Variants in TMEM135 observed in about 807,000 individuals in gnomAD.
TMEM135 encodes the protein transmembrane protein 135, also known as peroxisomal membrane protein 52.
In TMEM135, 30 loss-of-function variants were observed where a neutral mutation model predicts 60.3. The observed-to-expected ratio is 0.50, with a 90% confidence interval of 0.37 to 0.68. The LOEUF is 0.68. TMEM135 is among the 30% of genes least tolerant of loss of function. The pLI is 0.00. For synonymous variants in TMEM135, 190 were observed against 186.7 expected, an observed-to-expected ratio of 1.02 and a Z score of -0.14; for missense variants, 468 against 548.8, an observed-to-expected ratio of 0.85 and a Z score of 1.47.
intron 4 of TMEM135, among the ~76,000 whole-genome samples, chr11:87,112,892 A>T (rs977584522): frequency 2.0e-5 from 3 of 152,036 alleles, no homozygotes; most frequent in African/African-American, 4.8e-5. Flanking sequence ...TAAGTTTAAC[A>T]CTGAATTGTA....
intron 1 of TMEM135, among the ~76,000 whole-genome samples, chr11:87,057,861 G>T (rs113347071): frequency 1.3e-5 from 2 of 151,726 alleles, no homozygotes; most frequent in African/African-American, 4.8e-5. Context: ...AATTTTGGAG[G>T]CTTAATAAAT....
At chr11:87,088,062 C>T (rs2135164255) in intron 3 of TMEM135, among the ~76,000 whole-genome samples, 1 of 152,108 alleles carries the variant, frequency 6.6e-6, no homozygotes, top group East Asian at 1.9e-4. Context: ...TAAAGCTGAG[C>T]CCAGCCATGG....
intron 5 of TMEM135, among the ~76,000 whole-genome samples, chr11:87,186,106 C>T (rs1939646592): frequency 6.6e-6 from 1 of 152,138 alleles, no homozygotes; most frequent in African/African-American, 2.4e-5. Context: ...GGGGTTTCAC[C>T]ATGTTGGCCA....
chr11:87,081,637 G>A (rs1355413557), intron 3 of TMEM135, among the ~76,000 whole-genome samples: 2 of 151,232 alleles, frequency 1.3e-5, no homozygotes, highest in African/African-American at 4.8e-5. Flanking sequence ...CGTGGATTTG[G>A]GTTGCTAGTT....
At chr11:87,104,669 T>C (rs1035231970) in intron 4 of TMEM135, among the ~76,000 whole-genome samples, 6 of 152,216 alleles carry the variant, frequency 3.9e-5, no homozygotes, top group African/African-American at 1.4e-4. Flanking sequence ...GATTTTATTT[T>C]TTGTTGTTGC....
At chr11:87,197,962 T>C (rs1442646188) in intron 5 of TMEM135, among the ~76,000 whole-genome samples, 1 of 152,254 alleles carries the variant, frequency 6.6e-6, no homozygotes, top group South Asian at 2.1e-4. Flanking sequence ...TTTTTTTAGG[T>C]ACATAATAGT....
chr11:87,093,008 C>T (rs1857244490), intron 4 of TMEM135, among the ~76,000 whole-genome samples: 1 of 152,040 alleles, frequency 6.6e-6, no homozygotes, highest in African/African-American at 2.4e-5. Context: ...TCTTATCCAT[C>T]CCCTCTTTGA....
At chr11:87,287,443 C>T (rs1942186975) in intron 6 of TMEM135, among the ~76,000 whole-genome samples, 2 of 152,176 alleles carry the variant, frequency 1.3e-5, no homozygotes, top group South Asian at 4.1e-4. Context: ...CTTTGGGAGG[C>T]TGAGGCGGGC....
chr11:87,107,562 G>A (rs773029876), intron 4 of TMEM135, among the ~76,000 whole-genome samples: 7 of 152,028 alleles, frequency 4.6e-5, no homozygotes, highest in Non-Finnish European at 1.0e-4. Flanking sequence ...ATGGTTTCCA[G>A]CTTCATCCAT....
At chr11:87,123,364 A>G (rs1937635479) in intron 4 of TMEM135, among the ~76,000 whole-genome samples, 1 of 152,074 alleles carries the variant, frequency 6.6e-6, no homozygotes, top group South Asian at 2.1e-4. Context: ...TAGCCGCATC[A>G]TTCTAATCTT....
intron 6 of TMEM135, among the ~76,000 whole-genome samples, chr11:87,265,744 A>G (rs987146863): frequency 2.0e-5 from 3 of 152,092 alleles, no homozygotes; most frequent in Admixed American, 6.5e-5. Context: ...AGATAAAAAC[A>G]GGAGCACATG....
intron 7 of TMEM135, among the ~76,000 whole-genome samples, chr11:87,298,786 C>CAAAAAAAAAAAAAAAA (rs59740138): frequency 5.2e-5 from 3 of 57,690 alleles, no homozygotes; most frequent in South Asian, 8.8e-4. Flanking sequence ...GACTCTGTCT[C>CAAAAAAAAAAAAAAAA]AAAAAAAAAA....
intron 4 of TMEM135, among the ~76,000 whole-genome samples, chr11:87,097,179 T>C (rs897144122): frequency 6.6e-6 from 1 of 152,104 alleles, no homozygotes; most frequent in African/African-American, 2.4e-5. Context: ...GTATTTCCAG[T>C]ACAGACGGGG....
chr11:87,200,602 C>T (rs1940072022), intron 5 of TMEM135, among the ~76,000 whole-genome samples: 1 of 152,160 alleles, frequency 6.6e-6, no homozygotes, highest in Admixed American at 6.5e-5. Flanking sequence ...AATCAAAGAC[C>T]TTACATTGAC....
At chr11:87,098,935 G>C (rs905960139) in intron 4 of TMEM135, among the ~76,000 whole-genome samples, 16 of 152,030 alleles carry the variant, frequency 1.1e-4, no homozygotes, top group African/African-American at 3.9e-4. Flanking sequence ...TGATCCGCCC[G>C]CCTCGGCCTC....
chr11:87,155,463 GA>G (rs1294058421), intron 4 of TMEM135, among the ~76,000 whole-genome samples: 1 of 152,156 alleles, frequency 6.6e-6, no homozygotes, highest in East Asian at 1.9e-4. Flanking sequence ...GTATATGGTA[GA>G]GGTAAAGGTC....
intron 5 of TMEM135, among the ~76,000 whole-genome samples, chr11:87,218,754 G>C (rs1940556110): frequency 6.6e-6 from 1 of 152,154 alleles, no homozygotes; most frequent in African/African-American, 2.4e-5. Context: ...TTGGGGTCAG[G>C]AGTTCGAGAT....
intron 11 of TMEM135, 114 bp downstream of exon 11, chr11:87,313,602 T>C: frequency 1.1e-6 from 1 of 949,818 alleles, no homozygotes; most frequent in Non-Finnish European, 1.7e-6. Context: ...TCTATCGTAA[T>C]AGAATTCCAG....
intron 4 of TMEM135, among the ~76,000 whole-genome samples, chr11:87,118,477 G>C (rs1163642081): frequency 6.7e-6 from 1 of 150,178 alleles, no homozygotes; most frequent in East Asian, 2.0e-4. Context: ...GAGACGGTGT[G>C]TCACACTGTT....
Sources: allele counts gnomAD v4.1 joint callset (sites outside exome capture counted in the v4.1 genomes callset), GRCh38; gene constraint gnomAD v4.1.1; transcripts MANE v1.5; gene names NCBI Gene and HGNC (gene_info 2026-07-23, HGNC 2026-07-21).